ARHGAP15: variants seen among roughly 807,000 people sequenced by gnomAD.
ARHGAP15 encodes the protein Rho GTPase activating protein 15.
A neutral mutation model predicts 63.7 loss-of-function variants in ARHGAP15; 51 were observed. That is an observed-to-expected ratio of 0.80 (90% CI 0.64 to 1.01). ARHGAP15 has a LOEUF of 1.01. ARHGAP15 is among the 50% of genes least tolerant of loss of function. ARHGAP15 has a pLI of 0.00. For synonymous variants in ARHGAP15, 191 were observed against 193.8 expected (o/e 0.99, Z 0.12); for missense variants, 560 against 564.6 (o/e 0.99, Z 0.08).
chr2:143,311,205 A>C (rs1683432346), intron 6 of ARHGAP15, among the ~76,000 whole-genome samples: 1 of 151,950 alleles, frequency 6.6e-6, no homozygotes, highest in South Asian at 2.1e-4. Flanking sequence ...GGAATCACCC[A>C]CCAGTAAAGT....
intron 9 of ARHGAP15, among the ~76,000 whole-genome samples, chr2:143,511,043 T>G (rs149233017): frequency 5.1e-4 from 77 of 152,240 alleles, no homozygotes; most frequent in African/African-American, 1.8e-3. Flanking sequence ...CTGGGTGTTC[T>G]TTCCATAATT....
chr2:143,608,044 C>T (rs1011757500), intron 11 of ARHGAP15: 1 of 152,114 alleles, frequency 6.6e-6, no homozygotes, highest in Non-Finnish European at 1.5e-5. Flanking sequence ...TTTTTTTCCG[C>T]TCGAAGAATA....
intron 6 of ARHGAP15, among the ~76,000 whole-genome samples, chr2:143,406,128 T>C (rs1688189733): frequency 3.3e-5 from 5 of 151,962 alleles, no homozygotes; most frequent in Admixed American, 3.3e-4. Context: ...TTTGTTGTTT[T>C]CTCATATCTA....
In ARHGAP15 at chr2:143,228,683, G is replaced by A. The variant is rs1201954048; in HGVS notation, c.384+15G>A. The stretch of plus-strand genomic sequence containing the variant: ...TGTCCAATATGGTAAGTAATTCTCT[G>A]TTTCTATTGTTAAATATCTTTTCAG... On this transcript the variant is annotated intron_variant, in intron 5 of 13. Transcript: ENST00000295095. 4 of 1,489,648 alleles carry A rather than the reference G, an allele frequency of 2.7e-6. No homozygotes were observed. Among genetic ancestry groups the A allele is most frequent in the Non-Finnish European group, 3.6e-6 (4 of 1,107,574 alleles). The allele number at this position is 1,489,648 out of a possible 1,614,324, so 92.3% of individuals were successfully genotyped here. A position where few individuals can be genotyped will look rare whatever the true frequency, so the allele number is the denominator to read the frequency against.
At chr2:143,659,428 A>T (rs1223736158) in intron 12 of ARHGAP15, among the ~76,000 whole-genome samples, 1 of 152,176 alleles carries the variant, frequency 6.6e-6, no homozygotes, top group Non-Finnish European at 1.5e-5. Flanking sequence ...AAAAAATTCT[A>T]TTTGGAAAAG....
At chr2:143,153,826 T>TCTC in intron 1 of ARHGAP15, among the ~76,000 whole-genome samples, 1 of 84,942 alleles carries the variant, frequency 1.2e-5, no homozygotes, top group African/African-American at 4.3e-5. Flanking sequence ...TTCTTCTTCT[T>TCTC]CTTCTTCTTC....
At chr2:143,484,361 A>G (rs1692217343) in intron 8 of ARHGAP15, among the ~76,000 whole-genome samples, 2 of 78,716 alleles carry the variant, frequency 2.5e-5, no homozygotes, top group South Asian at 6.0e-4. Context: ...GAGAGACTCC[A>G]TCTCAAAAAA....
At chr2:143,510,046 A>AAAAAAAAAAAAAAAAAAC (rs1693512325) in intron 9 of ARHGAP15, among the ~76,000 whole-genome samples, 2 of 138,086 alleles carry the variant, frequency 1.4e-5, no homozygotes, top group Non-Finnish European at 3.3e-5. Flanking sequence ...AAAAAAAAAA[A>AAAAAAAAAAAAAAAAAAC]ATAGAAACAC....
intron 6 of ARHGAP15, among the ~76,000 whole-genome samples, chr2:143,360,796 C>A (rs1347141563): frequency 6.6e-6 from 1 of 152,132 alleles, no homozygotes; most frequent in African/African-American, 2.4e-5. Flanking sequence ...TATCTCCAAG[C>A]AACACATGCT....
At chr2:143,230,935 C>A (rs2104916357) in intron 5 of ARHGAP15, among the ~76,000 whole-genome samples, 1 of 152,248 alleles carries the variant, frequency 6.6e-6, no homozygotes, top group South Asian at 2.1e-4. Context: ...TGAGTGAGTG[C>A]AGAATGTGAT....
At chr2:143,338,321 CAT>C (rs1287892945) in intron 6 of ARHGAP15, among the ~76,000 whole-genome samples, 3 of 152,114 alleles carry the variant, frequency 2.0e-5, no homozygotes, top group African/African-American at 7.2e-5. Context: ...AAATTTCTAA[CAT>C]GTGGACAGAA....
At chr2:143,446,774 C>A (rs964651928) in intron 8 of ARHGAP15, among the ~76,000 whole-genome samples, 1 of 125,946 alleles carries the variant, frequency 7.9e-6, no homozygotes, top group African/African-American at 3.0e-5. Flanking sequence ...GCTATCCCTC[C>A]CCCCTCCCCC....
At chr2:143,514,779 A>G (rs537516418) in intron 9 of ARHGAP15, among the ~76,000 whole-genome samples, 1 of 152,060 alleles carries the variant, frequency 6.6e-6, no homozygotes, top group Non-Finnish European at 1.5e-5. Context: ...TGCCATATGT[A>G]TGTATTCTGG....
At chr2:143,203,597 A>AT (rs1692211543) in intron 3 of ARHGAP15, among the ~76,000 whole-genome samples, 1 of 152,076 alleles carries the variant, frequency 6.6e-6, no homozygotes, top group Non-Finnish European at 1.5e-5. Flanking sequence ...CCATGTAACA[A>AT]ATAAGCACAT....
At chr2:143,558,564 T>C (rs1574632288) in intron 11 of ARHGAP15, among the ~76,000 whole-genome samples, 1 of 152,258 alleles carries the variant, frequency 6.6e-6, no homozygotes, top group East Asian at 1.9e-4. Context: ...AGTCTTGGAA[T>C]CAAAAAATAG....
At chr2:143,594,823 C>T (rs528026318) in intron 11 of ARHGAP15, among the ~76,000 whole-genome samples, 11 of 152,204 alleles carry the variant, frequency 7.2e-5, no homozygotes, top group Admixed American at 2.0e-4. Flanking sequence ...CAGAATTCTA[C>T]GTTGTACTTT....
intron 5 of ARHGAP15, among the ~76,000 whole-genome samples, chr2:143,229,401 T>G (rs1693351518): frequency 6.6e-6 from 1 of 152,210 alleles, no homozygotes; most frequent in Non-Finnish European, 1.5e-5. Flanking sequence ...GGTTTCTTCC[T>G]TGTACCTGGA....
At chr2:143,619,180 G>A (rs1389938649) in intron 11 of ARHGAP15, among the ~76,000 whole-genome samples, 1 of 152,022 alleles carries the variant, frequency 6.6e-6, no homozygotes, top group African/African-American at 2.4e-5. Context: ...ACCTACTATG[G>A]CTATCAAAGG....
chr2:143,153,004 C>G (rs1689888142), intron 1 of ARHGAP15, among the ~76,000 whole-genome samples: 1 of 151,978 alleles, frequency 6.6e-6, no homozygotes, highest in Admixed American at 6.6e-5. Context: ...GGTGGGGAAG[C>G]CAGATAAAAG....
Sources: gnomAD v4.1 joint callset for allele counts (sites outside exome capture counted in the v4.1 genomes callset) on GRCh38, gnomAD v4.1.1 for gene constraint, MANE v1.5 for transcripts, NCBI Gene and HGNC (gene_info 2026-07-23, HGNC 2026-07-21) for gene names.